The following CDH12 variants were observed in gnomAD, a reference collection of about 807,000 sequenced individuals.
CDH12 encodes cadherin 12.
In CDH12, 41 loss-of-function variants were observed where a neutral mutation model predicts 74.1. The ratio of observed to expected loss-of-function variants is 0.55; its 90% CI spans 0.43 to 0.72. The LOEUF is 0.72. CDH12 is among the 30% of genes least tolerant of loss of function. The pLI, the probability that CDH12 is intolerant of heterozygous loss-of-function variation, is 0.00. For synonymous variants in CDH12, 399 were observed against 355.0 expected (o/e 1.12, Z -1.39); for missense variants, 945 against 977.2 (o/e 0.97, Z 0.44).
chr5:22,190,399 T>TCTAC (rs1750208828), intron 4 of CDH12, among the ~76,000 whole-genome samples: 1 of 149,714 alleles, frequency 6.7e-6, no homozygotes, highest in African/African-American at 2.5e-5. Flanking sequence ...TATCTATCTA[T>TCTAC]CTATCCTCTA....
intron 3 of CDH12, among the ~76,000 whole-genome samples, chr5:22,222,614 C>G (rs1752057078): frequency 6.6e-6 from 1 of 151,428 alleles, no homozygotes; most frequent in African/African-American, 2.4e-5. Context: ...ATATCAAAAT[C>G]ATATATTATT....
intron 1 of CDH12, among the ~76,000 whole-genome samples, chr5:22,599,287 C>T (rs1405793390): frequency 1.3e-5 from 2 of 152,104 alleles, no homozygotes; most frequent in Admixed American, 1.3e-4. Flanking sequence ...GAATACTGGG[C>T]TGGTGATAAG....
intron 6 of CDH12, among the ~76,000 whole-genome samples, chr5:21,875,468 T>A (rs1219259022): frequency 7.4e-6 from 1 of 135,912 alleles, no homozygotes; most frequent in East Asian, 2.2e-4. Context: ...TTCCAGTAAT[T>A]TGTTGTACAA....
intron 6 of CDH12, among the ~76,000 whole-genome samples, chr5:21,938,841 C>G (rs1201583542): frequency 1.3e-5 from 2 of 148,630 alleles, no homozygotes; most frequent in Non-Finnish European, 3.0e-5. Flanking sequence ...GGGAGCAGTC[C>G]TTTGAATTAG....
intron 1 of CDH12, among the ~76,000 whole-genome samples, chr5:22,639,209 A>C (rs545072496): frequency 6.6e-6 from 1 of 152,060 alleles, no homozygotes; most frequent in South Asian, 2.1e-4. Flanking sequence ...GCAAATTAGA[A>C]GGCTGTGAAG....
intron 2 of CDH12, among the ~76,000 whole-genome samples, chr5:22,501,254 G>C (rs555861580): frequency 6.6e-6 from 1 of 152,098 alleles, no homozygotes; most frequent in Non-Finnish European, 1.5e-5. Flanking sequence ...TAAGAGCATC[G>C]TGTGATCTGA....
rs530427288 is a variant in CDH12 at position 21,757,556 on chromosome 5, C to A, written c.1634-1714G>T. 6.6e-5 allele frequency among the ~76,000 whole-genome samples: 10 copies of A among 152,256 alleles called. No individual in the cohort carries two copies. In the South Asian group the frequency reaches 2.1e-3, roughly 32 times the overall value. ...CTATATTTTATTTCCTCTCTAAATG[C>A]TTTCTTTTCACTAAAAATACCTTAC... On this transcript the variant is annotated intron_variant, in intron 13 of 14. Coordinates refer to ENST00000382254, the MANE Select transcript of CDH12 (RefSeq NM_004061.5).
chr5:22,523,976 T>C (rs1200584235), intron 1 of CDH12, among the ~76,000 whole-genome samples: 4 of 129,822 alleles, frequency 3.1e-5, no homozygotes, highest in Non-Finnish European at 6.6e-5. Flanking sequence ...TCATTTATTA[T>C]TATTATTTTT....
At chr5:21,880,259 A>G (rs1470379805) in intron 6 of CDH12, among the ~76,000 whole-genome samples, 4 of 152,152 alleles carry the variant, frequency 2.6e-5, no homozygotes, top group Non-Finnish European at 5.9e-5. Context: ...CCTTCCAACT[A>G]CCTTACCCTT....
At chr5:22,710,281 A>T (rs917785557) in intron 1 of CDH12, among the ~76,000 whole-genome samples, 10 of 152,198 alleles carry the variant, frequency 6.6e-5, no homozygotes, top group African/African-American at 2.4e-4. Flanking sequence ...TCACTTCTAA[A>T]TATACAGTTA....
chr5:22,498,097 C>A (rs1011916904), intron 2 of CDH12, among the ~76,000 whole-genome samples: 1 of 152,116 alleles, frequency 6.6e-6, no homozygotes, highest in Non-Finnish European at 1.5e-5. Flanking sequence ...TCAAGCTTTG[C>A]TCCCATATCT....
intron 1 of CDH12, among the ~76,000 whole-genome samples, chr5:22,691,283 T>C (rs114455651): frequency 2.1e-3 from 322 of 152,330 alleles, no homozygotes; most frequent in African/African-American, 7.4e-3. Context: ...TGGAACCATG[T>C]TAACTATGAG....
At chr5:22,795,799 T>G (rs776194108) in intron 1 of CDH12, among the ~76,000 whole-genome samples, 1 of 151,886 alleles carries the variant, frequency 6.6e-6, no homozygotes, top group African/African-American at 2.4e-5. Context: ...TGAGAAATTA[T>G]GATACCAAAA....
chr5:22,410,215 A>G (rs540965554), intron 2 of CDH12, among the ~76,000 whole-genome samples: 2 of 152,190 alleles, frequency 1.3e-5, no homozygotes, highest in African/African-American at 4.8e-5. Context: ...ATAGGCACAG[A>G]AACAAAAATC....
intron 5 of CDH12, among the ~76,000 whole-genome samples, chr5:22,000,891 T>TA (rs1407330322): frequency 6.6e-6 from 1 of 152,186 alleles, no homozygotes; most frequent in Non-Finnish European, 1.5e-5. Context: ...ATAGACTTTT[T>TA]ACTTTGCATT....
intron 3 of CDH12, among the ~76,000 whole-genome samples, chr5:22,337,937 G>A (rs1016805316): frequency 1.3e-5 from 2 of 152,198 alleles, no homozygotes; most frequent in Admixed American, 1.3e-4. Context: ...TTGTGAGGGT[G>A]TGGAGGAAAG....
intron 3 of CDH12, among the ~76,000 whole-genome samples, chr5:22,334,610 C>A (rs1309548030): frequency 6.6e-6 from 1 of 152,082 alleles, no homozygotes; most frequent in African/African-American, 2.4e-5. Flanking sequence ...TACTACAGAG[C>A]TATAGTAATC....
intron 2 of CDH12, among the ~76,000 whole-genome samples, chr5:22,418,311 T>C (rs1332785595): frequency 6.7e-6 from 1 of 149,906 alleles, no homozygotes; most frequent in East Asian, 1.9e-4. Flanking sequence ...CCTGAGACTT[T>C]GCTGAAGTTA....
rs1468584598 is a variant in CDH12 at position 21,880,501 on chromosome 5, T to TCCTTCCTTCCTTCCTTCCTC, written c.527-25712_527-25711insGAGGAAGGAAGGAAGGAAGG. On this transcript the variant is annotated intron_variant, in intron 6 of 14. Coordinates refer to ENST00000382254, the MANE Select transcript of CDH12 (RefSeq NM_004061.5). Reference sequence around the variant, plus strand: ...TTCCTTCCTTCCTTCCTTCCTTCCTTCCTCCCTCCCTCCCTCTTTTCTTTC... The same window carrying TCCTTCCTTCCTTCCTTCCTC: ...TTCCTTCCTTCCTTCCTTCCTTCCTTCCTTCCTTCCTTCCTTCCTCCCTCCCTCCCTCCCTCTTTTCTTTC... 9.7e-3 allele frequency among the ~76,000 whole-genome samples: 247 copies of TCCTTCCTTCCTTCCTTCCTC among 25,460 alleles called. 15 individuals carry two copies. The highest frequency in any genetic ancestry group is 0.018 in the African/African-American group (216 of 12,020). The allele number at this position is 25,460 out of a possible 152,430, so 16.7% of individuals were successfully genotyped here.
Sources: allele counts gnomAD v4.1 joint callset (sites outside exome capture counted in the v4.1 genomes callset), GRCh38; gene constraint gnomAD v4.1.1; transcripts MANE v1.5; gene names NCBI Gene and HGNC (gene_info 2026-07-23, HGNC 2026-07-21).